The following ERBIN variants were observed in gnomAD, a reference collection of about 807,000 sequenced individuals.
The protein encoded by ERBIN is erbb2 interacting protein.
ERBIN carries 60 observed loss-of-function variants against 158.4 expected under a neutral mutation model. That is an observed-to-expected ratio of 0.38 (90% CI 0.31 to 0.47). ERBIN has a LOEUF of 0.47. ERBIN is among the 20% of genes least tolerant of loss of function. The pLI is 0.99. For missense variants in ERBIN, 1,610 were observed against 1,648.0 expected, an observed-to-expected ratio of 0.98 and a Z score of 0.40; for synonymous variants, 594 against 557.2, an observed-to-expected ratio of 1.07 and a Z score of -0.93.
rs1758197174 is a variant in ERBIN at position 66,044,288 on chromosome 5, T to C, written c.1580T>C (p.Ile527Thr). ...AAACCACATGAAGATCAACAAGATA[T>C]AAATAAAGATGTGGGTGTGAAGGTT... is the stretch of plus-strand genomic sequence containing the variant. ...DLKPHEDQQD[I>T]NKDVGVKTSE... Residue 527 changes from isoleucine to threonine, a missense_variant, in exon 17 of 26, where the codon ATA (isoleucine) becomes ACA (threonine). Ile to Thr is a moderately conservative substitution (Grantham distance 89). Transcript: ENST00000284037. 6.9e-6 allele frequency: 11 copies of C among 1,597,334 alleles called. No homozygotes were observed. The highest frequency in any genetic ancestry group is 9.4e-6 in the Non-Finnish European group (11 of 1,175,590).
intron 14 of ERBIN, among the ~76,000 whole-genome samples, chr5:66,031,792 A>G (rs558305866): frequency 1.3e-5 from 2 of 152,318 alleles, no homozygotes; most frequent in Admixed American, 6.5e-5. Context: ...TGAGCATGCC[A>G]CTATACTCCA....
chr5:65,972,243 A>C (rs1009672604), intron 1 of ERBIN, among the ~76,000 whole-genome samples: 4 of 152,148 alleles, frequency 2.6e-5, no homozygotes, highest in East Asian at 1.9e-4. Context: ...AAAAATCCAT[A>C]TGTATATAAG....
At position 65,951,654 on chromosome 5, in the gene ERBIN, A is replaced by G. The variant is rs150196135; in HGVS notation, c.-58+24848A>G. Among the ~76,000 whole-genome samples, 659 of 152,334 alleles carry G rather than the reference A, an allele frequency of 4.3e-3. 14 individuals are homozygous for G. The highest frequency in any genetic ancestry group is 0.037 in the Admixed American group (570 of 15,296). ...AATGAAAAACAAAAAATCAAGGAAT[A>G]CCACCTCAATGTTGAATTTTCAAAA... On this transcript the variant is annotated intron_variant, in intron 1 of 25. Coordinates refer to ENST00000284037, the MANE Select transcript of ERBIN (RefSeq NM_001253697.2).
At chr5:65,996,404 T>G (rs1752448041) in intron 4 of ERBIN, among the ~76,000 whole-genome samples, 1 of 152,164 alleles carries the variant, frequency 6.6e-6, no homozygotes, top group Admixed American at 6.6e-5. Context: ...GAGACTGTCC[T>G]TTACCCATTG....
At position 66,024,548 on chromosome 5, in the gene ERBIN, G is replaced by A. The variant is rs569572538; in HGVS notation, c.817+98G>A. The A allele has an allele frequency of 7.7e-6, 9 of 1,165,238 alleles. No individual in the cohort carries two copies. In the East Asian group the frequency reaches 7.8e-5, roughly 10 times the overall value. The allele number at this position is 1,165,238 out of a possible 1,614,324, so 72.2% of individuals were successfully genotyped here. A position where few individuals can be genotyped will look rare whatever the true frequency, so the allele number is the denominator to read the frequency against. On this transcript the variant is annotated intron_variant, in intron 10 of 25. Transcript: ENST00000284037. Reference sequence around the variant, plus strand: ...ACTTGTTATGAGGTAGTTATACTTCGTTACCACAGGAACGGATTTTATTTG... The same window carrying A: ...ACTTGTTATGAGGTAGTTATACTTCATTACCACAGGAACGGATTTTATTTG...
chr5:65,992,437 G>A (rs774427631), intron 2 of ERBIN, among the ~76,000 whole-genome samples: 1 of 152,004 alleles, frequency 6.6e-6, no homozygotes, highest in Non-Finnish European at 1.5e-5. Context: ...GTGAGCCACT[G>A]CGCCCGGCCT....
intron 21 of ERBIN, among the ~76,000 whole-genome samples, chr5:66,062,214 C>T (rs918144117): frequency 2.0e-5 from 3 of 152,180 alleles, no homozygotes; most frequent in Non-Finnish European, 4.4e-5. Flanking sequence ...CACATAGTCC[C>T]ATATTTCTTG....
intron 15 of ERBIN, among the ~76,000 whole-genome samples, chr5:66,040,977 C>A (rs1278001253): frequency 6.6e-6 from 1 of 151,858 alleles, no homozygotes; most frequent in Non-Finnish European, 1.5e-5. Flanking sequence ...AGTATGCCTT[C>A]ATATAACAAT....
intron 21 of ERBIN, among the ~76,000 whole-genome samples, chr5:66,064,034 G>T (rs1760740846): frequency 6.6e-6 from 1 of 152,146 alleles, no homozygotes. Flanking sequence ...AAATGTTAAT[G>T]TACTGCTAGT....
intron 10 of ERBIN, 141 bp from the exon 11 acceptor site, chr5:66,025,339 G>T (rs1156253182): frequency 5.8e-6 from 4 of 691,870 alleles, no homozygotes; most frequent in Non-Finnish European, 1.0e-5. Flanking sequence ...CATTGGGATT[G>T]GGAGTGGTAT....
intron 1 of ERBIN, among the ~76,000 whole-genome samples, chr5:65,954,494 A>C (rs1671773593): frequency 6.6e-6 from 1 of 152,204 alleles, no homozygotes; most frequent in Non-Finnish European, 1.5e-5. Flanking sequence ...TGTGGACCTG[A>C]GTACATCAAA....
intron 22 of ERBIN, among the ~76,000 whole-genome samples, chr5:66,072,573 G>A (rs1382574786): frequency 6.6e-6 from 1 of 152,016 alleles, no homozygotes; most frequent in African/African-American, 2.4e-5. Flanking sequence ...TTTGAATCAA[G>A]GCCTTTTTGG....
intron 14 of ERBIN, among the ~76,000 whole-genome samples, chr5:66,037,621 A>T (rs923850326): frequency 2.0e-5 from 3 of 152,170 alleles, no homozygotes; most frequent in African/African-American, 7.2e-5. Flanking sequence ...GAAGGTTTTC[A>T]TAGGAGTAGG....
intron 2 of ERBIN, among the ~76,000 whole-genome samples, chr5:65,991,949 TTA>T (rs1751909373): frequency 6.6e-6 from 1 of 152,118 alleles, no homozygotes; most frequent in Non-Finnish European, 1.5e-5. Context: ...CATAGGAAGG[TTA>T]TAGGGTGGTT....
At chr5:65,939,531 T>TC (rs377418030) in intron 1 of ERBIN, among the ~76,000 whole-genome samples, 1,765 of 140,164 alleles carry the variant, frequency 0.013, 12 homozygotes, top group Non-Finnish European at 0.015. Flanking sequence ...CCTTTCCCTC[T>TC]CCCCCCTCTC....
chr5:66,023,920 G>A (rs185570956), intron 9 of ERBIN, among the ~76,000 whole-genome samples: 208 of 151,826 alleles, frequency 1.4e-3, no homozygotes, highest in African/African-American at 4.2e-3. Context: ...CTCATTATCC[G>A]CCTGCCTCGG....
chr5:65,928,377 C>T (rs543725679), intron 1 of ERBIN, among the ~76,000 whole-genome samples: 2 of 152,068 alleles, frequency 1.3e-5, no homozygotes, highest in South Asian at 4.1e-4. Flanking sequence ...CATTAGGCTG[C>T]AAAAGAGGTT....
intron 2 of ERBIN, among the ~76,000 whole-genome samples, chr5:65,989,382 A>G (rs1313609337): frequency 1.3e-5 from 2 of 152,134 alleles, no homozygotes; most frequent in African/African-American, 2.4e-5. Context: ...GTTCGTTTTT[A>G]TATTGGCACC....
chr5:66,082,020 C>T lies in ERBIN; in HGVS notation c.*3490C>T, dbSNP rs978368531. 2.6e-5 allele frequency: 4 copies of T among 152,046 alleles called. No individual in the cohort carries two copies. The highest frequency in any genetic ancestry group is 4.4e-5 in the Non-Finnish European group (3 of 67,994). 9.4% of individuals were successfully genotyped at this position (152,046 alleles called of 1,614,324 possible). On this transcript the variant is annotated 3_prime_UTR_variant, in exon 26 of 26. Transcript: ENST00000284037. ...CATATTCTACCTAAAGCTGCTAATT[C>T]TTTACAGAATTCATAAGCCCAGGGG...
Sources: gnomAD v4.1 joint callset for allele counts (sites outside exome capture counted in the v4.1 genomes callset) on GRCh38, gnomAD v4.1.1 for gene constraint, MANE v1.5 for transcripts, NCBI Gene and HGNC (gene_info 2026-07-23, HGNC 2026-07-21) for gene names.